Variants in CSTF3 observed in about 807,000 individuals in gnomAD.
CSTF3 encodes cleavage stimulation factor subunit 3, also known as CF-1 77 kDa subunit.
CSTF3 carries 29 observed loss-of-function variants against 105.8 expected under a neutral mutation model. The observed-to-expected ratio is 0.27, with a 90% CI of 0.20 to 0.37. The LOEUF is 0.37. CSTF3 is among the 10% of genes least tolerant of loss of function. The pLI, the probability that CSTF3 is intolerant of heterozygous loss-of-function variation, is 1.00. For synonymous variants in CSTF3, 252 were observed against 281.9 expected, an observed-to-expected ratio of 0.89 and a Z score of 1.06; for missense variants, 357 against 879.3, an observed-to-expected ratio of 0.41 and a Z score of 7.51.
In CSTF3 at chr11:33,099,193, T is replaced by A. The variant is rs377132192; in HGVS notation, c.937-43A>T. The A allele has an allele frequency of 2.4e-5, 37 of 1,555,272 alleles. No individual in the cohort carries two copies. In the African/African-American group the frequency reaches 4.6e-4, roughly 19 times the overall value. On this transcript the variant is annotated intron_variant, in intron 11 of 20. Transcript: ENST00000323959. The surrounding 1 kb of genome is among the most constrained non-coding windows in gnomAD (Gnocchi z 4.1). ...AAGCTCATCTTCAATAATTTTAATA[T>A]AGTTGTGAGAGAATAAAATTAATAA... is the stretch of plus-strand genomic sequence containing the variant.
intron 5 of CSTF3, among the ~76,000 whole-genome samples, 165 bp downstream of exon 5, chr11:33,107,738 C>T (rs1418894553): frequency 6.6e-6 from 1 of 152,220 alleles, no homozygotes; most frequent in East Asian, 1.9e-4. Context: ...ATGCCAGTGA[C>T]TTTCTCTGAA....
At chr11:33,130,773 G>A (rs1855590457) in intron 3 of CSTF3, among the ~76,000 whole-genome samples, 1 of 151,936 alleles carries the variant, frequency 6.6e-6, no homozygotes, top group African/African-American at 2.4e-5. Flanking sequence ...TTGAGTCCAG[G>A]AGTTCAAGAC....
At chr11:33,144,350 C>T (rs1051462619) in intron 1 of CSTF3, among the ~76,000 whole-genome samples, 8 of 152,096 alleles carry the variant, frequency 5.3e-5, no homozygotes, top group Admixed American at 1.3e-4. Context: ...GGATGCTTTC[C>T]TAACATATAA....
At chr11:33,131,249 C>T (rs1323388728) in intron 3 of CSTF3, among the ~76,000 whole-genome samples, 1 of 152,036 alleles carries the variant, frequency 6.6e-6, no homozygotes, top group Non-Finnish European at 1.5e-5. Context: ...AGTTATTGTA[C>T]CATAAAATCT....
chr11:33,097,349 T>G (rs1855232759), intron 13 of CSTF3, among the ~76,000 whole-genome samples: 1 of 152,174 alleles, frequency 6.6e-6, no homozygotes, highest in African/African-American at 2.4e-5. Flanking sequence ...AAGGGTTGGT[T>G]TAATACAAGC....
chr11:33,131,577 T>A (rs1292107479), intron 3 of CSTF3, among the ~76,000 whole-genome samples: 1 of 152,116 alleles, frequency 6.6e-6, no homozygotes, highest in Non-Finnish European at 1.5e-5. Flanking sequence ...CCGGGTGCGG[T>A]GGCTCACGCC....
chr11:33,142,968 T>C (rs770664564), intron 1 of CSTF3, among the ~76,000 whole-genome samples: 20 of 152,032 alleles, frequency 1.3e-4, no homozygotes, highest in East Asian at 1.2e-3. Context: ...ATGAGAGAGG[T>C]TGAAGTCACA....
In CSTF3 at chr11:33,088,583, A is replaced by G. The variant is rs575616180; in HGVS notation, c.1642-1442T>C. Among the ~76,000 whole-genome samples the G allele has an allele frequency of 1.9e-4, 28 of 150,928 alleles. No homozygotes were observed. In the East Asian group the frequency reaches 5.1e-3, roughly 28 times the overall value. On this transcript the variant is annotated intron_variant, in intron 17 of 20. Transcript: ENST00000323959. ...GTGTGAGCCACCACACCTGGCCACT[A>G]TAAGATCTTTCTTTTCTGTTTATTT...
At chr11:33,102,420 G>A (rs1855289267) in intron 9 of CSTF3, 81 bp from the exon 10 acceptor site, 1 of 1,293,480 alleles carries the variant, frequency 7.7e-7, no homozygotes. Context: ...CAGTTTGGAA[G>A]ACTGTTCAAG....
In CSTF3 at chr11:33,090,546, C is replaced by T; in HGVS notation, c.1627G>A (p.Ala543Thr). The change falls in exon 17 of 21, where the codon GCA (alanine) becomes ACA (threonine). Residue 543 changes from alanine (A) to threonine (T), a missense_variant. Transcript: ENST00000323959. ...TAAGTACATACCTTATAACCAAGTG[C>T]TTTTAATTCACTTGCAGAGCAAGGA... The part of the protein sequence containing the change: ...LYPCSASELK[A>T]LGYKDVSRAK... 1 of 1,593,864 alleles carries T rather than the reference C, an allele frequency of 6.3e-7. No individual in the cohort carries two copies. The highest frequency in any genetic ancestry group is 8.5e-7 in the Non-Finnish European group (1 of 1,172,582).
chr11:33,124,948 GA>G (rs925772228), intron 3 of CSTF3, among the ~76,000 whole-genome samples: 2 of 151,782 alleles, frequency 1.3e-5, no homozygotes, highest in Non-Finnish European at 2.9e-5. Flanking sequence ...TGTGATTTAA[GA>G]AAAAAAACTT....
At chr11:33,095,841 A>C (rs2133772172) in intron 15 of CSTF3, among the ~76,000 whole-genome samples, 1 of 151,830 alleles carries the variant, frequency 6.6e-6, no homozygotes, top group South Asian at 2.1e-4. Flanking sequence ...TAAATAAATA[A>C]ATAAATAAAT....
At chr11:33,154,486 AC>A (rs1849832051) in intron 1 of CSTF3, among the ~76,000 whole-genome samples, 4 of 110,800 alleles carry the variant, frequency 3.6e-5, no homozygotes, top group Admixed American at 2.1e-4. Context: ...ACTCCGTAAG[AC>A]TTTCTTTTTT....
chr11:33,124,973 T>C (rs1855529157), intron 3 of CSTF3, among the ~76,000 whole-genome samples: 1 of 152,208 alleles, frequency 6.6e-6, no homozygotes, highest in Non-Finnish European at 1.5e-5. Flanking sequence ...TTTTCTATAG[T>C]TTCATCCTCA....
intron 3 of CSTF3, among the ~76,000 whole-genome samples, chr11:33,138,784 T>C (rs1855680276): frequency 6.6e-6 from 1 of 151,872 alleles, no homozygotes; most frequent in African/African-American, 2.4e-5. Flanking sequence ...TAGAACAATG[T>C]ATTTCAGGGA....
intron 3 of CSTF3, among the ~76,000 whole-genome samples, chr11:33,117,585 G>A (rs1855442441): frequency 1.3e-5 from 2 of 151,770 alleles, no homozygotes; most frequent in Admixed American, 1.3e-4. Flanking sequence ...AGAAAACTGA[G>A]GCACAAGGAG....
In CSTF3 at chr11:33,085,255, C is replaced by T. The variant is rs145202125; in HGVS notation, c.1986G>A (p.Gly662=). The change falls in exon 21 of 21, where the codon GGG becomes GGA. Residue 662 remains glycine (G), a synonymous_variant. Coordinates refer to ENST00000323959, the MANE Select transcript of CSTF3 (RefSeq NM_001326.3). The part of the protein sequence containing the change: ...VEEAVRIITG[G]APELAVEGNG... ...TGCCTTCTACAGCTAGCTCTGGGGC[C>T]CCACCAGTAATGATCCTCACAGCTT... The T allele has an allele frequency of 3.7e-5, 58 of 1,574,006 alleles. No individual in the cohort carries two copies. Among genetic ancestry groups the T allele is most frequent in the Non-Finnish European group, 4.4e-5 (51 of 1,162,520 alleles).
chr11:33,087,750 C>T (rs566745582), intron 17 of CSTF3, among the ~76,000 whole-genome samples: 2 of 152,200 alleles, frequency 1.3e-5, no homozygotes, highest in East Asian at 1.9e-4. Context: ...GACTGAAGCT[C>T]ACAAAGGTTT....
chr11:33,132,946 ATATG>A (rs1320953890), intron 3 of CSTF3, among the ~76,000 whole-genome samples: 1 of 152,042 alleles, frequency 6.6e-6, no homozygotes, highest in Non-Finnish European at 1.5e-5. Flanking sequence ...TATATAATAT[ATATG>A]TAACATACAA....
Sources: allele counts gnomAD v4.1 joint callset (sites outside exome capture counted in the v4.1 genomes callset), GRCh38; gene constraint gnomAD v4.1.1; non-coding constraint Gnocchi (gnomAD v3.1); transcripts MANE v1.5; gene names NCBI Gene and HGNC (gene_info 2026-07-23, HGNC 2026-07-21).